SCARA5: variants seen among roughly 807,000 people sequenced by gnomAD.
The protein encoded by SCARA5 is scavenger receptor class A, member 5 (putative).
SCARA5 carries 45 observed loss-of-function variants against 46.3 expected under a neutral mutation model. That is an observed-to-expected ratio of 0.97 (90% CI 0.76 to 1.24). SCARA5 has a LOEUF of 1.24. Among genes scored for constraint, SCARA5 ranks in the 50% most tolerant of loss-of-function variants. The pLI, the probability that SCARA5 is intolerant of heterozygous loss-of-function variation, is 0.00. For synonymous variants in SCARA5, 333 were observed against 306.5 expected, an observed-to-expected ratio of 1.09 and a Z score of -0.90; for missense variants, 680 against 689.0, an observed-to-expected ratio of 0.99 and a Z score of 0.15.
At chr8:27,978,080 G>T (rs1182621518) in intron 2 of SCARA5, among the ~76,000 whole-genome samples, 2 of 139,944 alleles carry the variant, frequency 1.4e-5, no homozygotes, top group Admixed American at 7.5e-5. Context: ...AGACTGGAGT[G>T]CAGTGGCGCG....
intron 8 of SCARA5, among the ~76,000 whole-genome samples, chr8:27,877,270 C>A (rs1257691510): frequency 3.3e-5 from 5 of 152,148 alleles, no homozygotes. Flanking sequence ...TGAATAGCAC[C>A]TGAGACCTGT....
intron 3 of SCARA5, among the ~76,000 whole-genome samples, chr8:27,929,161 T>C (rs1807727766): frequency 6.6e-6 from 1 of 152,226 alleles, no homozygotes; most frequent in Admixed American, 6.5e-5. Flanking sequence ...TGTATTCATG[T>C]CTGCTGCAGG....
intron 7 of SCARA5, among the ~76,000 whole-genome samples, chr8:27,892,174 A>G (rs1047112556): frequency 1.2e-4 from 18 of 152,244 alleles, no homozygotes; most frequent in African/African-American, 3.1e-4. Flanking sequence ...GGTGGAATCA[A>G]TAAGCCATGT....
At chr8:27,933,872 G>A (rs2129851226) in intron 3 of SCARA5, among the ~76,000 whole-genome samples, 1 of 152,252 alleles carries the variant, frequency 6.6e-6, no homozygotes, top group East Asian at 1.9e-4. Context: ...GAGAAGTTGG[G>A]AAAATGCTTA....
intron 3 of SCARA5, among the ~76,000 whole-genome samples, chr8:27,931,149 C>A (rs1807766016): frequency 1.3e-5 from 2 of 152,234 alleles, no homozygotes; most frequent in African/African-American, 4.8e-5. Context: ...TCTAGCACTT[C>A]AAGTGCTGTG....
intron 2 of SCARA5, among the ~76,000 whole-genome samples, chr8:27,977,433 C>A (rs530202222): frequency 6.6e-6 from 1 of 152,180 alleles, no homozygotes; most frequent in Admixed American, 6.5e-5. Context: ...GGACTCCCAG[C>A]GGATCAGCCG....
At chr8:27,970,963 T>C (rs1445592392) in intron 2 of SCARA5, among the ~76,000 whole-genome samples, 1 of 152,212 alleles carries the variant, frequency 6.6e-6, no homozygotes, top group Non-Finnish European at 1.5e-5. Flanking sequence ...ATTAGGGTAA[T>C]TTCTTATGCG....
intron 3 of SCARA5, among the ~76,000 whole-genome samples, chr8:27,962,027 TAA>T (rs1808300943): frequency 1.3e-5 from 2 of 152,142 alleles, no homozygotes; most frequent in African/African-American, 4.8e-5. Flanking sequence ...CGTAAAGAAT[TAA>T]GGCAATTCAC....
chr8:27,982,425 T>C (rs1286803150), intron 2 of SCARA5, among the ~76,000 whole-genome samples: 4 of 151,946 alleles, frequency 2.6e-5, no homozygotes, highest in Non-Finnish European at 5.9e-5. Context: ...CACCGGTGCC[T>C]GGGGTTCTGT....
chr8:27,963,243 G>A (rs936329827), intron 3 of SCARA5, among the ~76,000 whole-genome samples: 2 of 152,194 alleles, frequency 1.3e-5, no homozygotes, highest in Non-Finnish European at 2.9e-5. Flanking sequence ...TAATTCTATT[G>A]CAAAGGACAT....
chr8:27,986,570 T>C (rs1330661574), intron 2 of SCARA5, among the ~76,000 whole-genome samples: 1 of 152,168 alleles, frequency 6.6e-6, no homozygotes, highest in Non-Finnish European at 1.5e-5. Flanking sequence ...AGCAGGTTCA[T>C]TGGTCAGAAG....
intron 3 of SCARA5, among the ~76,000 whole-genome samples, chr8:27,962,869 G>A (rs1427679584): frequency 6.6e-6 from 1 of 152,194 alleles, no homozygotes; most frequent in South Asian, 2.1e-4. Context: ...CCTTTGCCCT[G>A]CACTCACCGA....
chr8:27,934,752 G>A lies in SCARA5; in HGVS notation c.242-12507C>T, dbSNP rs1015942246. Among the ~76,000 whole-genome samples the A allele has an allele frequency of 3.3e-5, 5 of 152,214 alleles. No homozygotes were observed. In the South Asian group the frequency reaches 8.3e-4, roughly 25 times the overall value. Reference sequence around the variant, plus strand: ...CATGAACCCCTGGAGCAGGGGGCAGGAGGCATGGCATTAGGAAGGTCACTT... The same window carrying A: ...CATGAACCCCTGGAGCAGGGGGCAGAAGGCATGGCATTAGGAAGGTCACTT... On this transcript the variant is annotated intron_variant, in intron 3 of 8. Coordinates refer to ENST00000354914, the MANE Select transcript of SCARA5 (RefSeq NM_173833.6).
At chr8:27,888,744 G>T (rs1261348192) in intron 7 of SCARA5, among the ~76,000 whole-genome samples, 2 of 149,018 alleles carry the variant, frequency 1.3e-5, no homozygotes, top group Admixed American at 6.6e-5. Flanking sequence ...TGTGACCAAG[G>T]TTCTTCCCTT....
At chr8:27,881,547 G>A (rs1427832823) in intron 7 of SCARA5, among the ~76,000 whole-genome samples, 1 of 151,992 alleles carries the variant, frequency 6.6e-6, no homozygotes, top group African/African-American at 2.4e-5. Flanking sequence ...AGAGGGGTAA[G>A]GGTTGAAAAC....
At chr8:27,921,546 G>A in intron 4 of SCARA5, 25 bp downstream of exon 4, 5 of 1,523,386 alleles carry the variant, frequency 3.3e-6, no homozygotes, top group Non-Finnish European at 2.7e-6. Context: ...GGCCGTGGGT[G>A]GAGGCAGCAA....
At chr8:27,950,879 G>GGAAAAAAA (rs1554574401) in intron 3 of SCARA5, among the ~76,000 whole-genome samples, 3 of 140,998 alleles carry the variant, frequency 2.1e-5, no homozygotes, top group African/African-American at 7.8e-5. Flanking sequence ...AGCTTTATGG[G>GGAAAAAAA]AAAAAAAAAA....
At chr8:27,967,311 A>T (rs947520327) in intron 2 of SCARA5, among the ~76,000 whole-genome samples, 3 of 152,202 alleles carry the variant, frequency 2.0e-5, no homozygotes, top group African/African-American at 7.2e-5. Context: ...TGTTGTACAG[A>T]TAAAGAATGT....
chr8:27,959,334 G>C (rs4431555), intron 3 of SCARA5, among the ~76,000 whole-genome samples: 41,996 of 152,178 alleles, frequency 0.28, 6,117 homozygotes, highest in Admixed American at 0.37. Flanking sequence ...GCCACCCCAG[G>C]AGTGGTGTCT....
Sources: allele counts gnomAD v4.1 joint callset (sites outside exome capture counted in the v4.1 genomes callset), GRCh38; gene constraint gnomAD v4.1.1; transcripts MANE v1.5; gene names NCBI Gene and HGNC (gene_info 2026-07-23, HGNC 2026-07-21).